Variants in RBFOX1 observed in about 807,000 individuals in gnomAD.
The protein encoded by RBFOX1 is RNA binding fox-1 homolog 1, also known as RNA binding protein fox-1 homolog 1.
In RBFOX1, 8 loss-of-function variants were observed where a neutral mutation model predicts 57.7. The ratio of observed to expected loss-of-function variants is 0.14; its 90% CI spans 0.08 to 0.25. RBFOX1 has a LOEUF of 0.25. Among genes scored for constraint, RBFOX1 ranks in the 10% least tolerant of loss-of-function variants. The pLI is 1.00. For synonymous variants in RBFOX1, 326 were observed against 222.4 expected, an observed-to-expected ratio of 1.47 and a Z score of -4.15; for missense variants, 611 against 548.5, an observed-to-expected ratio of 1.11 and a Z score of -1.14.
intron 3 of RBFOX1, among the ~76,000 whole-genome samples, chr16:6,741,018 A>C (rs2071912362): frequency 6.6e-6 from 1 of 152,174 alleles, no homozygotes; most frequent in Non-Finnish European, 1.5e-5. Context: ...GCTTAGATGT[A>C]GACACCTAAA....
At chr16:6,211,141 A>G (rs1257754390) in intron 1 of RBFOX1, among the ~76,000 whole-genome samples, 2 of 150,488 alleles carry the variant, frequency 1.3e-5, no homozygotes, top group East Asian at 3.9e-4. Flanking sequence ...GACAGTAACC[A>G]TGAGACAGAG....
chr16:6,832,802 G>C (rs1255660897), intron 3 of RBFOX1, among the ~76,000 whole-genome samples: 2 of 152,178 alleles, frequency 1.3e-5, no homozygotes, highest in African/African-American at 2.4e-5. Context: ...GAGCAGCCCA[G>C]CTACTGTTTT....
chr16:6,894,548 AC>A (rs1349640880), intron 3 of RBFOX1, among the ~76,000 whole-genome samples: 2 of 152,008 alleles, frequency 1.3e-5, no homozygotes, highest in African/African-American at 4.8e-5. Flanking sequence ...CCCAAAGTGT[AC>A]CCCCAAAACA....
chr16:6,882,386 T>G (rs1414240907), intron 3 of RBFOX1, among the ~76,000 whole-genome samples: 4 of 152,064 alleles, frequency 2.6e-5, no homozygotes, highest in African/African-American at 9.6e-5. Flanking sequence ...CCTCTCTGAT[T>G]CTCTCTCTTC....
intron 3 of RBFOX1, among the ~76,000 whole-genome samples, chr16:6,833,310 C>A (rs1017105115): frequency 6.6e-6 from 1 of 151,960 alleles, no homozygotes; most frequent in Non-Finnish European, 1.5e-5. Context: ...CGACTATAGG[C>A]TCCCAACACC....
At chr16:5,532,847 A>G (rs1004965360) in intron 2 of RBFOX1, among the ~76,000 whole-genome samples, 5 of 152,168 alleles carry the variant, frequency 3.3e-5, no homozygotes, top group South Asian at 2.1e-4. Flanking sequence ...AGTCTGTGCA[A>G]TGTATTCCAA....
chr16:7,499,106 A>G (rs2069727073), intron 4 of RBFOX1, among the ~76,000 whole-genome samples: 1 of 152,218 alleles, frequency 6.6e-6, no homozygotes, highest in Non-Finnish European at 1.5e-5. Flanking sequence ...GTGACTTGAA[A>G]TAGAAATTTA....
At chr16:7,497,951 G>T (rs1446513913) in intron 4 of RBFOX1, among the ~76,000 whole-genome samples, 1 of 152,166 alleles carries the variant, frequency 6.6e-6, no homozygotes, top group East Asian at 1.9e-4. Context: ...TTAGTCAGTT[G>T]ATTTCACACA....
intron 2 of RBFOX1, among the ~76,000 whole-genome samples, chr16:5,579,578 C>T (rs1182628622): frequency 6.6e-6 from 1 of 152,152 alleles, no homozygotes; most frequent in Non-Finnish European, 1.5e-5. Context: ...GCTCGCCCTG[C>T]TGCTCAAACC....
intron 3 of RBFOX1, among the ~76,000 whole-genome samples, chr16:5,864,414 G>T (rs1378906581): frequency 6.6e-6 from 1 of 152,110 alleles, no homozygotes; most frequent in African/African-American, 2.4e-5. Context: ...TCACCCTTTG[G>T]GTCCCAGTCA....
intron 4 of RBFOX1, among the ~76,000 whole-genome samples, chr16:7,292,339 T>C (rs1194998024): frequency 7.2e-6 from 1 of 138,224 alleles, no homozygotes; most frequent in Non-Finnish European, 1.5e-5. Context: ...TCATACATGA[T>C]ATATATAATA....
At chr16:7,696,506 A>C (rs1394563427) in intron 14 of RBFOX1, among the ~76,000 whole-genome samples, 2 of 152,112 alleles carry the variant, frequency 1.3e-5, no homozygotes, top group Admixed American at 1.3e-4. Flanking sequence ...ATGAGAATGG[A>C]GGTTGAAAAG....
At chr16:6,961,213 A>G (rs1264782912) in intron 3 of RBFOX1, among the ~76,000 whole-genome samples, 1 of 151,820 alleles carries the variant, frequency 6.6e-6, no homozygotes, top group Non-Finnish European at 1.5e-5. Flanking sequence ...ATGGGATAGT[A>G]AGCTGATAGG....
At chr16:7,044,856 C>CCCTCTCCCCACCCGGAG (rs1370336743) in intron 3 of RBFOX1, among the ~76,000 whole-genome samples, 1 of 152,086 alleles carries the variant, frequency 6.6e-6, no homozygotes, top group African/African-American at 2.4e-5. Context: ...TTTCCACCTC[C>CCCTCTCCCCACCCGGAG]CCTCTCCCCA....
intron 1 of RBFOX1, among the ~76,000 whole-genome samples, chr16:6,101,904 T>G (rs2096314133): frequency 6.6e-6 from 1 of 151,916 alleles, no homozygotes; most frequent in Admixed American, 6.6e-5. Context: ...GGGAGGTGAT[T>G]ATTTGGCCAG....
chr16:6,360,366 C>G (rs190192453), intron 2 of RBFOX1, among the ~76,000 whole-genome samples: 4 of 152,106 alleles, frequency 2.6e-5, no homozygotes, highest in Non-Finnish European at 5.9e-5. Flanking sequence ...TATACTTGCA[C>G]TGCAGGGACC....
intron 3 of RBFOX1, among the ~76,000 whole-genome samples, chr16:6,961,944 C>T (rs973798418): frequency 5.7e-5 from 8 of 141,326 alleles, no homozygotes; most frequent in African/African-American, 1.8e-4. Flanking sequence ...CTTGTGCAGA[C>T]CTTCTGTCTC....
intron 1 of RBFOX1, among the ~76,000 whole-genome samples, chr16:5,375,124 G>C (rs564095877): frequency 6.6e-6 from 1 of 151,414 alleles, no homozygotes; most frequent in East Asian, 1.9e-4. Flanking sequence ...TAGGTGTGCG[G>C]GTTTGTCAAA....
intron 3 of RBFOX1, among the ~76,000 whole-genome samples, chr16:6,895,444 G>GTATA (rs1341028814): frequency 6.8e-5 from 5 of 73,450 alleles, no homozygotes; most frequent in African/African-American, 1.9e-4. Flanking sequence ...GTGTGTGTGT[G>GTATA]TGTGTATATA....
Sources: gnomAD v4.1 joint callset for allele counts (sites outside exome capture counted in the v4.1 genomes callset) on GRCh38, gnomAD v4.1.1 for gene constraint, MANE v1.5 for transcripts, NCBI Gene and HGNC (gene_info 2026-07-23, HGNC 2026-07-21) for gene names.